CFAP299: variants seen among roughly 807,000 people sequenced by gnomAD.
CFAP299 encodes the protein cilia- and flagella-associated protein 299.
In CFAP299, 21 loss-of-function variants were observed where a neutral mutation model predicts 27.0. That is an observed-to-expected ratio of 0.78 (90% CI 0.55 to 1.12). The LOEUF is 1.12. Ranked by LOEUF, CFAP299 falls within the 50% of genes most tolerant of loss-of-function variation. CFAP299 has a pLI of 0.00. For synonymous variants in CFAP299, 104 were observed against 98.1 expected, an observed-to-expected ratio of 1.06 and a Z score of -0.36; for missense variants, 310 against 276.6, an observed-to-expected ratio of 1.12 and a Z score of -0.86.
chr4:80,702,981 A>G (rs1203784063), intron 3 of CFAP299, among the ~76,000 whole-genome samples: 1 of 151,786 alleles, frequency 6.6e-6, no homozygotes, highest in Non-Finnish European at 1.5e-5. Context: ...CTCTTCATAT[A>G]TGCAGCTGTC....
chr4:80,459,953 G>A lies in CFAP299; in HGVS notation c.242+97069G>A, dbSNP rs182826845. 1.9e-3 allele frequency among the ~76,000 whole-genome samples: 294 copies of A among 152,296 alleles called. 1 individual carries two copies. Among genetic ancestry groups the A allele is most frequent in the African/African-American group, 6.6e-3 (274 of 41,558 alleles). On this transcript the variant is annotated intron_variant, in intron 2 of 5. Transcript: ENST00000358105. ...AAAAAGCCATAAAATTTATTAATAT[G>A]CAAGGGTGTGTATGGAAGTTATACA...
chr4:80,524,672 T>C (rs1733084856), intron 2 of CFAP299, among the ~76,000 whole-genome samples: 2 of 152,118 alleles, frequency 1.3e-5, no homozygotes, highest in Admixed American at 1.3e-4. Context: ...CAAATCTGGG[T>C]CATTACCATT....
intron 2 of CFAP299, among the ~76,000 whole-genome samples, chr4:80,504,346 A>G (rs1258245471): frequency 6.6e-6 from 1 of 150,962 alleles, no homozygotes; most frequent in African/African-American, 2.4e-5. Context: ...GAGAGCTGCC[A>G]TGTGGTGAAG....
intron 3 of CFAP299, among the ~76,000 whole-genome samples, chr4:80,655,679 A>C (rs1740518975): frequency 6.6e-6 from 1 of 152,166 alleles, no homozygotes; most frequent in African/African-American, 2.4e-5. Context: ...CTTCAACTTG[A>C]AGACACAGCT....
rs958484996 is a variant in CFAP299, at chr4:80,514,725, T to A, written c.243-68368T>A. ...CTCCTGGTTTTACCTGCTCTTTGAA[T>A]AGATTCTAGTTGATAAGAAAGAGTA... On this transcript the variant is annotated intron_variant, in intron 2 of 5. Coordinates refer to ENST00000358105, the MANE Select transcript of CFAP299 (RefSeq NM_152770.3). 2.0e-5 allele frequency among the ~76,000 whole-genome samples: 3 copies of A among 152,124 alleles called. No homozygotes were observed. The East Asian group carries it at 5.8e-4, about 29-fold the overall frequency.
chr4:80,870,647 AT>A (rs916689087), intron 4 of CFAP299: 1 of 985,594 alleles, frequency 1.0e-6, no homozygotes, highest in African/African-American at 1.7e-5. Flanking sequence ...ATCACCTAGC[AT>A]CTACCCTACA....
chr4:80,669,248 C>A (rs979729647), intron 3 of CFAP299, among the ~76,000 whole-genome samples: 4 of 143,984 alleles, frequency 2.8e-5, no homozygotes, highest in Admixed American at 1.5e-4. Flanking sequence ...GCAACCCCCA[C>A]CTCCCAGGTT....
At chr4:80,602,915 G>A (rs937021507) in intron 3 of CFAP299, among the ~76,000 whole-genome samples, 2 of 152,130 alleles carry the variant, frequency 1.3e-5, no homozygotes, top group African/African-American at 4.8e-5. Context: ...TGAAGAATGG[G>A]GATAGGGTGT....
In CFAP299 at chr4:80,645,058, T is replaced by C. The variant is rs533535933; in HGVS notation, c.333+61875T>C. Among the ~76,000 whole-genome samples, 6 of 152,222 alleles carry C rather than the reference T, an allele frequency of 3.9e-5. No homozygotes were observed. The East Asian group carries it at 1.2e-3, about 29-fold the overall frequency. On this transcript the variant is annotated intron_variant, in intron 3 of 5. Coordinates refer to ENST00000358105, the MANE Select transcript of CFAP299 (RefSeq NM_152770.3). ...TTCAGTCCAGACATCCTCCTTGAGT[T>C]TCAGAGTACCTTACTTTAAGGTCCT... is the stretch of plus-strand genomic sequence containing the variant.
chr4:80,359,893 G>A (rs1443689977), intron 1 of CFAP299, among the ~76,000 whole-genome samples: 1 of 152,182 alleles, frequency 6.6e-6, no homozygotes, highest in Non-Finnish European at 1.5e-5. Flanking sequence ...AGGAAAGAAG[G>A]CACTCTGGCT....
intron 2 of CFAP299, among the ~76,000 whole-genome samples, chr4:80,567,226 G>A (rs1375258876): frequency 6.6e-6 from 1 of 151,796 alleles, no homozygotes; most frequent in African/African-American, 2.4e-5. Flanking sequence ...TAGCTTTACT[G>A]TACATTTGAT....
At chr4:80,850,201 T>C (rs1200122561) in intron 3 of CFAP299, among the ~76,000 whole-genome samples, 5 of 151,182 alleles carry the variant, frequency 3.3e-5, no homozygotes, top group Admixed American at 2.0e-4. Flanking sequence ...TTTTTTAACC[T>C]AAAATTATGG....
intron 3 of CFAP299, among the ~76,000 whole-genome samples, chr4:80,822,181 T>C (rs1729744432): frequency 6.6e-6 from 1 of 152,188 alleles, no homozygotes; most frequent in African/African-American, 2.4e-5. Context: ...TTCTTATTTA[T>C]TCATAAATTA....
chr4:80,814,809 T>C (rs112143084), intron 3 of CFAP299, among the ~76,000 whole-genome samples: 2,263 of 151,866 alleles, frequency 0.015, 25 homozygotes, highest in South Asian at 0.04. Context: ...TAACCTCTTA[T>C]CTCCATAAGG....
intron 3 of CFAP299, among the ~76,000 whole-genome samples, chr4:80,867,071 C>G (rs1732788155): frequency 1.3e-5 from 2 of 152,056 alleles, no homozygotes; most frequent in Non-Finnish European, 2.9e-5. Flanking sequence ...GTGAATTCAT[C>G]AAGGTGATCA....
rs149180902 is a variant in CFAP299, at chr4:80,963,621, A to G, written c.*9A>G. 1 of 1,529,974 alleles carries G rather than the reference A, an allele frequency of 6.5e-7. No homozygotes were observed. The highest frequency in any genetic ancestry group is 1.4e-5 in the African/African-American group (1 of 72,930). 94.8% of individuals were successfully genotyped at this position (1,529,974 alleles called of 1,614,324 possible). On this transcript the variant is annotated 3_prime_UTR_variant, in exon 6 of 6. Transcript: ENST00000358105. ...CCAGAAGGAAGACTTAAGTACCAAC[A>G]TGTTAATTTCCTAATAATTTGCTAA...
At chr4:80,563,709 T>C (rs1227944751) in intron 2 of CFAP299, among the ~76,000 whole-genome samples, 1 of 151,082 alleles carries the variant, frequency 6.6e-6, no homozygotes, top group African/African-American at 2.4e-5. Flanking sequence ...AGAGCAGAAA[T>C]AAAGGAAATT....
intron 3 of CFAP299, among the ~76,000 whole-genome samples, chr4:80,765,882 C>T (rs1725834807): frequency 1.3e-5 from 2 of 151,946 alleles, no homozygotes; most frequent in Non-Finnish European, 2.9e-5. Context: ...GAATGCAATA[C>T]ACAGATGAAA....
At chr4:80,733,294 G>A (rs1723645321) in intron 3 of CFAP299, among the ~76,000 whole-genome samples, 1 of 151,942 alleles carries the variant, frequency 6.6e-6, no homozygotes, top group Admixed American at 6.6e-5. Context: ...TAAAGTAAGA[G>A]GTATCTAAAT....
Sources: gnomAD v4.1 joint callset for allele counts (sites outside exome capture counted in the v4.1 genomes callset) on GRCh38, gnomAD v4.1.1 for gene constraint, MANE v1.5 for transcripts, NCBI Gene and HGNC (gene_info 2026-07-23, HGNC 2026-07-21) for gene names.